Variants in KHNYN observed in about 807,000 individuals in gnomAD.
KHNYN encodes KH and NYN domain containing, also known as protein KHNYN.
KHNYN carries 42 observed loss-of-function variants against 62.7 expected under a neutral mutation model. That is an observed-to-expected ratio of 0.67 (90% CI 0.52 to 0.87). KHNYN has a LOEUF of 0.87. Ranked by LOEUF, KHNYN falls within the 40% of genes least tolerant of loss-of-function variation. KHNYN has a pLI of 0.00. For missense variants in KHNYN, 829 were observed against 874.1 expected (o/e 0.95, Z 0.65); for synonymous variants, 347 against 345.6 (o/e 1.00, Z -0.04).
Position 24,432,228 on chromosome 14 carries a change from C to T in KHNYN, c.967C>T (p.Arg323Cys), listed in dbSNP as rs777334333. ...ALGGGGFCVH[R>C]EPPGAHGSCH... ...GGGAGGAGGAGGGTTCTGTGTCCACCGTGAGCCTCCCGGTGCCCATGGCTC... is the reference window on the plus strand; with the variant it reads ...GGGAGGAGGAGGGTTCTGTGTCCACTGTGAGCCTCCCGGTGCCCATGGCTC... The change falls in exon 3 of 8, where the codon CGT becomes TGT. Residue 323 changes from arginine to cysteine, a missense_variant. By Grantham distance (180) the Arg-to-Cys change is radical. This residue lies in a region of KHNYN where 559 missense variants were observed against 527.0 expected (regional missense o/e 1.06). Transcript: ENST00000553935. The surrounding 1 kb of genome is among the most constrained non-coding windows in gnomAD (Gnocchi z 5.6). 7 of 1,605,492 alleles carry T rather than the reference C, an allele frequency of 4.4e-6. No individual in the cohort carries two copies. Among genetic ancestry groups the T allele is most frequent in the Non-Finnish European group, 6.0e-6 (7 of 1,174,950 alleles).
upstream of KHNYN, chr14:24,428,627 C>A: frequency 8.4e-7 from 1 of 1,195,200 alleles, no homozygotes; most frequent in Admixed American, 2.4e-5. Context: ...GGGCAATAGG[C>A]CAGATTAGTG....
Position 24,440,653 on chromosome 14 carries a change from T to A in KHNYN, c.*3368T>A. ...GTCTTTAAGACCTCACACCTTCTCA[T>A]CTGCAGGTTGGCTAGAAGTGGTGGC... On this transcript the variant is annotated 3_prime_UTR_variant, in exon 8 of 8. Coordinates refer to ENST00000553935, the MANE Select transcript of KHNYN (RefSeq NM_015299.3). The A allele has an allele frequency of 1.5e-6, 2 of 1,371,398 alleles. No homozygotes were observed. The highest frequency in any genetic ancestry group is 1.3e-5 in the South Asian group (1 of 77,288). The allele number at this position is 1,371,398 out of a possible 1,614,324, so 85.0% of individuals were successfully genotyped here. A position where few individuals can be genotyped will look rare whatever the true frequency, so the allele number is the denominator to read the frequency against.
intron 7 of KHNYN, among the ~76,000 whole-genome samples, 181 bp downstream of exon 7, chr14:24,436,670 C>T (rs1365154777): frequency 6.6e-6 from 1 of 152,194 alleles, no homozygotes; most frequent in South Asian, 2.1e-4. Flanking sequence ...AACCTCCTTG[C>T]TGGGAGGGAA....
chr14:24,440,146 C>A lies in KHNYN; in HGVS notation c.*2861C>A, dbSNP rs773161583. The A allele has an allele frequency of 6.2e-7, 1 of 1,613,454 alleles. No individual in the cohort carries two copies. The highest frequency in any genetic ancestry group is 8.5e-7 in the Non-Finnish European group (1 of 1,179,574). On this transcript the variant is annotated 3_prime_UTR_variant, in exon 8 of 8. Transcript: ENST00000553935. ...GGAAGGAATACTGGTAGCCAGTGGC[C>A]AGTGTTCGCTGTGGGATCACCTTCT...
chr14:24,431,964 C>T lies in KHNYN; in HGVS notation c.703C>T (p.Leu235=). The T allele has an allele frequency of 6.2e-7, 1 of 1,612,958 alleles. No homozygotes were observed. The highest frequency in any genetic ancestry group is 1.1e-5 in the South Asian group (1 of 91,016). Residue 235 remains leucine, a synonymous_variant, in exon 3 of 8, where the codon CTG becomes TTG. Transcript: ENST00000553935. The stretch of plus-strand genomic sequence containing the variant: ...TCCCCCTAGTGACGGCAGGGAGTCC[C>T]TGGACACTGGATCTATGGGACCCGG... ...RAPPSDGRES[L]DTGSMGPGDC...
upstream of KHNYN, chr14:24,428,358 G>T: frequency 1.2e-6 from 2 of 1,613,894 alleles, no homozygotes; most frequent in South Asian, 2.2e-5. Flanking sequence ...CAGGGGCTAC[G>T]AAGGAGCCAG....
chr14:24,439,859 ACCAAACTGGG>A lies in KHNYN; in HGVS notation c.*2575_*2584del. 1 of 502,120 alleles carries A rather than the reference ACCAAACTGGG, an allele frequency of 2.0e-6. No homozygotes were observed. The highest frequency in any genetic ancestry group is 3.5e-6 in the Non-Finnish European group (1 of 284,448). 31.1% of individuals were successfully genotyped at this position (502,120 alleles called of 1,614,324 possible). A position where few individuals can be genotyped will look rare whatever the true frequency, so the allele number is the denominator to read the frequency against. On this transcript the variant is annotated 3_prime_UTR_variant, in exon 8 of 8. Coordinates refer to ENST00000553935, the MANE Select transcript of KHNYN (RefSeq NM_015299.3). ...GGGCAGCTGCAGGACATGTAGAGAA[ACCAAACTGGG>A]AAATCTTACAAGGAGTTGAAAAGAT...
Position 24,432,721 on chromosome 14 carries a change from G to C in KHNYN, c.1350-1G>C. ...CTCTGGCCGACCCCCTCCCACTACA[G>C]GCATGGCCTCCAGCACTACTTCTCC... On this transcript the variant is annotated splice_acceptor_variant, in intron 3 of 7. Coordinates refer to ENST00000553935, the MANE Select transcript of KHNYN (RefSeq NM_015299.3). LOFTEE classifies it high-confidence loss of function. The surrounding 1 kb of genome is among the most constrained non-coding windows in gnomAD (Gnocchi z 5.6). The C allele has an allele frequency of 1.2e-6, 2 of 1,614,162 alleles. No individual in the cohort carries two copies. Among genetic ancestry groups the C allele is most frequent in the Non-Finnish European group, 1.7e-6 (2 of 1,180,024 alleles).
rs2043240924 is a variant in KHNYN, at chr14:24,438,381, G to C, written c.*1096G>C. 6.6e-6 allele frequency: 1 copy of C among 152,612 alleles called. No homozygotes were observed. Among genetic ancestry groups the C allele is most frequent in the Non-Finnish European group, 1.5e-5 (1 of 68,038 alleles). The allele number at this position is 152,612 out of a possible 1,614,324, so 9.5% of individuals were successfully genotyped here. ...ATTTTCTCTATGGAAGACGTATGTT[G>C]CATAAAGCAAGGCACACTTCTGCTT... On this transcript the variant is annotated 3_prime_UTR_variant, in exon 8 of 8. Transcript: ENST00000553935.
the KHNYN span, among the ~76,000 whole-genome samples, chr14:24,423,821 G>A: frequency 6.6e-6 from 1 of 152,214 alleles, no homozygotes; most frequent in Non-Finnish European, 1.5e-5. Flanking sequence ...AATAGTTGGA[G>A]TCTGTTGTTA....
chr14:24,430,572 T>C (rs2043088442), intron 1 of KHNYN, 142 bp from the exon 2 acceptor site: 2 of 1,432,918 alleles, frequency 1.4e-6, no homozygotes, highest in Non-Finnish European at 1.8e-6. Context: ...CTACCTCCAG[T>C]GGACTCAGAT....
Position 24,432,425 on chromosome 14 carries a change from G to A in KHNYN, c.1164G>A (p.Lys388=). 2.5e-6 allele frequency: 4 copies of A among 1,613,558 alleles called. No individual in the cohort carries two copies. Among genetic ancestry groups the A allele is most frequent in the Non-Finnish European group, 3.4e-6 (4 of 1,179,836 alleles). ...GAGACGTGGGGGACAGGGGAGACAA[G>A]CAGCAGGGCATGGCACGGGGTCGGG... is the stretch of plus-strand genomic sequence containing the variant. ...DRGDVGDRGD[K]QQGMARGRGP... The change falls in exon 3 of 8, where the codon AAG becomes AAA. Residue 388 remains lysine (K), a synonymous_variant. Coordinates refer to ENST00000553935, the MANE Select transcript of KHNYN (RefSeq NM_015299.3). This position sits in a 1 kb window ranked among gnomAD's most constrained non-coding sequence, Gnocchi z 5.6.
chr14:24,431,520 A>G lies in KHNYN; in HGVS notation c.259A>G (p.Lys87Glu). The G allele has an allele frequency of 6.2e-7, 1 of 1,607,030 alleles. No homozygotes were observed. Among genetic ancestry groups the G allele is most frequent in the Non-Finnish European group, 8.5e-7 (1 of 1,174,334 alleles). The change falls in exon 3 of 8, where the codon AAA becomes GAA. Residue 87 changes from lysine to glutamate, a missense_variant. By Grantham distance (56) the Lys-to-Glu change is moderately conservative. Coordinates refer to ENST00000553935, the MANE Select transcript of KHNYN (RefSeq NM_015299.3). Reference protein sequence around the residue: ...ELQDEIHYPPKLHCIFLGAQG... With the variant: ...ELQDEIHYPPELHCIFLGAQG... The stretch of plus-strand genomic sequence containing the variant: ...GCAGGATGAAATCCACTACCCGCCC[A>G]AACTGCACTGCATCTTTCTGGGAGC...
At chr14:24,429,355 C>T, upstream of KHNYN, 1 of 633,814 alleles carries the variant, frequency 1.6e-6, no homozygotes, top group Non-Finnish European at 2.9e-6. Flanking sequence ...TTCAGGGCAG[C>T]CCTGCTGGAT....
chr14:24,423,404 A>T, the KHNYN span, among the ~76,000 whole-genome samples: 11 of 152,158 alleles, frequency 7.2e-5, no homozygotes, highest in South Asian at 2.3e-3. Flanking sequence ...GTGGATGAGG[A>T]TAGCAGCCTT....
At position 24,439,705 on chromosome 14, in the gene KHNYN, C is replaced by A; in HGVS notation, c.*2420C>A. ...AACCCCGTCTTTGGGGAAGAATCAT[C>A]TAGGGTGACATTCCTTGAAGTAAAT... On this transcript the variant is annotated 3_prime_UTR_variant, in exon 8 of 8. Transcript: ENST00000553935. 5.9e-6 allele frequency: 1 copy of A among 168,098 alleles called. No individual in the cohort carries two copies. Among genetic ancestry groups the A allele is most frequent in the South Asian group, 1.9e-4 (1 of 5,152 alleles). The allele number at this position is 168,098 out of a possible 1,614,324, so 10.4% of individuals were successfully genotyped here. A position where few individuals can be genotyped will look rare whatever the true frequency, so the allele number is the denominator to read the frequency against.
rs1566506996 is a variant in KHNYN at position 24,440,947 on chromosome 14, T to G, written c.*3662T>G. On this transcript the variant is annotated 3_prime_UTR_variant, in exon 8 of 8. Transcript: ENST00000553935. ...GTAAGCTGCCGGTGGAACACAATCA[T>G]TTGCCCTGGGTGTCCTTGGTCCTGC... 6.2e-7 allele frequency: 1 copy of G among 1,613,928 alleles called. No individual in the cohort carries two copies. Among genetic ancestry groups the G allele is most frequent in the Admixed American group, 1.7e-5 (1 of 60,010 alleles).
upstream of KHNYN, chr14:24,428,349 A>G (rs2043045316): frequency 6.2e-7 from 1 of 1,613,878 alleles, no homozygotes; most frequent in African/African-American, 1.3e-5. Flanking sequence ...CACCCCGGAC[A>G]GGGGCTACGA....
chr14:24,428,527 G>T, upstream of KHNYN: 1 of 1,227,408 alleles, frequency 8.1e-7, no homozygotes. Flanking sequence ...GGAGTGAATA[G>T]GAGTGAACAG....
Sources: allele counts gnomAD v4.1 joint callset (sites outside exome capture counted in the v4.1 genomes callset), GRCh38; gene constraint gnomAD v4.1.1; regional missense constraint gnomAD v4.1.1; non-coding constraint Gnocchi (gnomAD v3.1); transcripts MANE v1.5; gene names NCBI Gene and HGNC (gene_info 2026-07-23, HGNC 2026-07-21).